The following JMJD1C variants were observed in gnomAD, a reference collection of about 807,000 sequenced individuals.
The protein encoded by JMJD1C is jumonji domain containing 1C.
JMJD1C carries 31 observed loss-of-function variants against 245.3 expected under a neutral mutation model. The ratio of observed to expected loss-of-function variants is 0.13; its 90% CI spans 0.09 to 0.17. The LOEUF is 0.17. JMJD1C is among the 10% of genes least tolerant of loss of function. The probability of loss-of-function intolerance (pLI) is 1.00; values close to 1 mark genes in which losing one functional copy is unlikely to be tolerated. For synonymous variants in JMJD1C, 1,057 were observed against 1,017.4 expected, an observed-to-expected ratio of 1.04 and a Z score of -0.74; for missense variants, 2,691 against 3,000.2, an observed-to-expected ratio of 0.90 and a Z score of 2.41.
In JMJD1C at chr10:63,410,061, T is replaced by A. The variant is rs1413251221; in HGVS notation, c.169-29579A>T. 2.0e-5 allele frequency among the ~76,000 whole-genome samples: 3 copies of A among 152,140 alleles called. No homozygotes were observed. The East Asian group carries it at 5.8e-4, about 29-fold the overall frequency. ...CATATAAGGAAGTGTCTTCTCTAGA[T>A]GTATTAAAAGATCTCACTGCCCCTT... On this transcript the variant is annotated intron_variant, in intron 1 of 25. Coordinates refer to ENST00000399262, the MANE Select transcript of JMJD1C (RefSeq NM_032776.3).
intron 2 of JMJD1C, among the ~76,000 whole-genome samples, chr10:63,296,114 T>C (rs1399171104): frequency 5.3e-5 from 8 of 151,358 alleles, no homozygotes; most frequent in Admixed American, 3.3e-4. Flanking sequence ...CAGGTTCAAA[T>C]GATTCTCCTG....
chr10:63,187,462 G>T (rs1844263458), intron 18 of JMJD1C, among the ~76,000 whole-genome samples: 1 of 152,154 alleles, frequency 6.6e-6, no homozygotes, highest in Admixed American at 6.5e-5. Flanking sequence ...TTTGGAGACA[G>T]GGTTTCACTT....
At chr10:63,195,952 G>A (rs562653134) in intron 13 of JMJD1C, among the ~76,000 whole-genome samples, 12 of 148,906 alleles carry the variant, frequency 8.1e-5, no homozygotes, top group Admixed American at 4.7e-4. Flanking sequence ...AGAATGATAC[G>A]GTAACAAGAC....
chr10:63,384,146 A>C (rs1947416774), intron 1 of JMJD1C, among the ~76,000 whole-genome samples: 1 of 152,214 alleles, frequency 6.6e-6, no homozygotes, highest in Non-Finnish European at 1.5e-5. Context: ...CCATGAGATT[A>C]CAGCAGTTCT....
intron 2 of JMJD1C, among the ~76,000 whole-genome samples, chr10:63,359,879 TAA>T (rs2134350964): frequency 6.6e-6 from 1 of 152,222 alleles, no homozygotes; most frequent in East Asian, 1.9e-4. Context: ...TCAAGAGAAT[TAA>T]AAAGATTGGA....
chr10:63,469,589 T>TCAA (rs1953424972), upstream of JMJD1C, among the ~76,000 whole-genome samples: 2 of 152,214 alleles, frequency 1.3e-5, no homozygotes, highest in South Asian at 4.1e-4. Flanking sequence ...ACCTTTATCC[T>TCAA]TGAGAAGCTC....
chr10:63,236,447 C>T (rs1850743517), intron 3 of JMJD1C, among the ~76,000 whole-genome samples: 1 of 152,132 alleles, frequency 6.6e-6, no homozygotes, highest in East Asian at 1.9e-4. Flanking sequence ...CTTTGTGATA[C>T]TTTTAATAAT....
At chr10:63,521,726 C>A (rs1450480992) in intron 1 of JMJD1C, 1 of 421,238 alleles carries the variant, frequency 2.4e-6, no homozygotes. Context: ...GGGGAGCCCT[C>A]GGCTTCCTCA....
chr10:63,414,371 A>G (rs968267033), intron 1 of JMJD1C, among the ~76,000 whole-genome samples: 1 of 152,134 alleles, frequency 6.6e-6, no homozygotes, highest in African/African-American at 2.4e-5. Flanking sequence ...TTTTAACCTT[A>G]AAATGTATAT....
At chr10:63,504,448 T>A (rs1199356726) in intron 1 of JMJD1C, among the ~76,000 whole-genome samples, 2 of 152,184 alleles carry the variant, frequency 1.3e-5, no homozygotes, top group Non-Finnish European at 2.9e-5. Flanking sequence ...GTGAGACAGT[T>A]GCTCATTCTG....
chr10:63,496,828 A>G (rs781525735), intron 1 of JMJD1C, among the ~76,000 whole-genome samples: 8 of 152,192 alleles, frequency 5.3e-5, no homozygotes, highest in Non-Finnish European at 7.4e-5. Flanking sequence ...GACATATGTC[A>G]GTTCTGAGCA....
intron 22 of JMJD1C, among the ~76,000 whole-genome samples, chr10:63,179,303 G>A (rs1274867115): frequency 6.6e-6 from 1 of 151,994 alleles, no homozygotes. Flanking sequence ...CAGCTACTAG[G>A]GAGGCTGAGG....
intron 2 of JMJD1C, among the ~76,000 whole-genome samples, chr10:63,375,182 G>GCTTT (rs1257259810): frequency 7.8e-5 from 5 of 63,812 alleles, no homozygotes; most frequent in African/African-American, 2.1e-4. Flanking sequence ...ATAAAAATTG[G>GCTTT]CTTTTTTTTT....
intron 2 of JMJD1C, among the ~76,000 whole-genome samples, chr10:63,289,834 T>C (rs565045644): frequency 6.4e-4 from 98 of 152,228 alleles, no homozygotes; most frequent in African/African-American, 2.3e-3. Context: ...TTCTAAATTA[T>C]GGCATTTTAG....
At chr10:63,367,226 T>C (rs560997731) in intron 2 of JMJD1C, among the ~76,000 whole-genome samples, 57 of 143,990 alleles carry the variant, frequency 4.0e-4, no homozygotes, top group Non-Finnish European at 7.2e-4. Flanking sequence ...TTCACCCTAG[T>C]TTTTTTTTGT....
chr10:63,407,897 A>C (rs1949263403), intron 1 of JMJD1C, among the ~76,000 whole-genome samples: 7 of 152,168 alleles, frequency 4.6e-5, no homozygotes, highest in Admixed American at 4.6e-4. Context: ...GGTTTAGAAA[A>C]GGAAGCTGAA....
chr10:63,394,368 C>T (rs534626944), intron 1 of JMJD1C, among the ~76,000 whole-genome samples: 1 of 152,192 alleles, frequency 6.6e-6, no homozygotes, highest in Admixed American at 6.5e-5. Flanking sequence ...AATGATACTT[C>T]GATAACTGAA....
rs766414903 is a variant in JMJD1C at position 63,465,605 on chromosome 10, C to T, written c.58G>A (p.Gly20Ser). ...CAGCGCTCCGAACGTGCCTCGTCGCCGACCGCCACACACAGGAACCGCTTA... is the reference window on the plus strand; with the variant it reads ...CAGCGCTCCGAACGTGCCTCGTCGCTGACCGCCACACACAGGAACCGCTTA... Reference protein sequence around the residue: ...VGKRFLCVAVGDEARSERWES... With the variant: ...VGKRFLCVAVSDEARSERWES... The change falls in exon 1 of 26, where the codon GGC becomes AGC. Residue 20 changes from glycine (G) to serine (S), a missense_variant. Transcript: ENST00000399262. The T allele has an allele frequency of 4.7e-5, 75 of 1,609,740 alleles. No individual in the cohort carries two copies. The highest frequency in any genetic ancestry group is 6.7e-5 in the East Asian group (3 of 44,862).
chr10:63,331,171 C>A (rs1194453532), intron 2 of JMJD1C, among the ~76,000 whole-genome samples: 1 of 152,074 alleles, frequency 6.6e-6, no homozygotes, highest in African/African-American at 2.4e-5. Flanking sequence ...TCCTTCATTT[C>A]TTATTATTCT....
Sources: gnomAD v4.1 joint callset for allele counts (sites outside exome capture counted in the v4.1 genomes callset) on GRCh38, gnomAD v4.1.1 for gene constraint, MANE v1.5 for transcripts, NCBI Gene and HGNC (gene_info 2026-07-23, HGNC 2026-07-21) for gene names.